Variants in NCALD observed in about 807,000 individuals in gnomAD.
NCALD encodes neurocalcin delta, also known as neurocalcin-delta.
In NCALD, 10 loss-of-function variants were observed where a neutral mutation model predicts 18.6. The ratio of observed to expected loss-of-function variants is 0.54; its 90% CI spans 0.33 to 0.91. The LOEUF is 0.91. Ranked by LOEUF, NCALD falls within the 40% of genes least tolerant of loss-of-function variation. The pLI, the probability that NCALD is intolerant of heterozygous loss-of-function variation, is 0.03. For synonymous variants in NCALD, 88 were observed against 87.4 expected, an observed-to-expected ratio of 1.01 and a Z score of -0.04; for missense variants, 184 against 247.6, an observed-to-expected ratio of 0.74 and a Z score of 1.72.
At chr8:101,831,914 C>T (rs1020830665) in intron 4 of NCALD, among the ~76,000 whole-genome samples, 2 of 152,220 alleles carry the variant, frequency 1.3e-5, no homozygotes, top group Non-Finnish European at 2.9e-5. Context: ...GCTGTTCCCA[C>T]GAAGCAGCCA....
At position 102,026,315 on chromosome 8, in the gene NCALD, C is replaced by A. The variant is rs138121527; in HGVS notation, c.-209-6026G>T. ...CTGAGACAAGGCAAGTTCCTTCCAC[C>A]TATGAGCCTGTAAAATCAAAAGCAA... On this transcript the variant is annotated intron_variant, in intron 1 of 6. Coordinates refer to the NCALD transcript ENST00000311028. 6.7e-3 allele frequency among the ~76,000 whole-genome samples: 1,021 copies of A among 152,296 alleles called. 12 individuals carry two copies. Among genetic ancestry groups the A allele is most frequent in the African/African-American group, 0.022 (933 of 41,558 alleles).
intron 4 of NCALD, among the ~76,000 whole-genome samples, chr8:101,840,963 T>G (rs1264932): frequency 2.7e-4 from 41 of 152,128 alleles, no homozygotes; most frequent in Admixed American, 2.7e-3. Flanking sequence ...ATTAAAAAGC[T>G]TTAATTTAAC....
At chr8:101,850,533 T>C (rs138868434) in intron 4 of NCALD, among the ~76,000 whole-genome samples, 306 of 152,308 alleles carry the variant, frequency 2.0e-3, no homozygotes, top group East Asian at 7.7e-3. Flanking sequence ...TGCAAATCTA[T>C]AGGCTGTTGC....
At chr8:102,059,624 A>G (rs1814207807) in intron 1 of NCALD, among the ~76,000 whole-genome samples, 1 of 152,260 alleles carries the variant, frequency 6.6e-6, no homozygotes, top group African/African-American at 2.4e-5. Context: ...ACAATACTGC[A>G]TGAATCACTG....
chr8:101,801,643 CTTTTTTTTTTTTTTTTTTTTTTTTT>C (rs71268530), intron 4 of NCALD, among the ~76,000 whole-genome samples: 1,161 of 44,206 alleles, frequency 0.026, 35 homozygotes, highest in Non-Finnish European at 0.046. Context: ...AGCACACTTA[CTTTTTTTTTTTTTTTTTTTTTTTTT>C]TTTTTTTTTT....
At chr8:101,836,006 A>G (rs980926155) in intron 4 of NCALD, among the ~76,000 whole-genome samples, 2 of 152,092 alleles carry the variant, frequency 1.3e-5, no homozygotes, top group Admixed American at 1.3e-4. Flanking sequence ...CCAGAATCAC[A>G]CAGAAGCTCT....
At chr8:101,849,080 G>A (rs1473632232) in intron 4 of NCALD, among the ~76,000 whole-genome samples, 3 of 152,116 alleles carry the variant, frequency 2.0e-5, no homozygotes, top group Non-Finnish European at 4.4e-5. Context: ...GTTGGAAGTC[G>A]TTTTCCTTAG....
chr8:101,742,663 G>GA (rs1258909010), intron 1 of NCALD, among the ~76,000 whole-genome samples: 3 of 151,368 alleles, frequency 2.0e-5, no homozygotes, highest in Non-Finnish European at 4.4e-5. Context: ...AGATTACAAG[G>GA]ATTTTTTTTT....
chr8:101,850,529 T>C (rs542436482), intron 4 of NCALD, among the ~76,000 whole-genome samples: 2 of 152,280 alleles, frequency 1.3e-5, no homozygotes, highest in African/African-American at 4.8e-5. Flanking sequence ...GATCTGCAAA[T>C]CTATAGGCTG....
At chr8:101,709,113 C>A (rs184682307) in intron 2 of NCALD, among the ~76,000 whole-genome samples, 3 of 152,218 alleles carry the variant, frequency 2.0e-5, no homozygotes, top group Non-Finnish European at 4.4e-5. Context: ...AGCGGGCCTG[C>A]GCATAGGGGC....
At chr8:101,747,532 G>A (rs1427732616) in intron 1 of NCALD, among the ~76,000 whole-genome samples, 3 of 152,120 alleles carry the variant, frequency 2.0e-5, no homozygotes, top group African/African-American at 7.2e-5. Context: ...ATAACTTTCA[G>A]TAGTGTGAGA....
chr8:101,889,186 T>G (rs1307032092), intron 3 of NCALD, among the ~76,000 whole-genome samples: 1 of 152,178 alleles, frequency 6.6e-6, no homozygotes, highest in African/African-American at 2.4e-5. Flanking sequence ...AGTCATGAAG[T>G]CACAAGCATG....
At chr8:101,806,037 G>A (rs373529584) in intron 4 of NCALD, among the ~76,000 whole-genome samples, 15 of 152,122 alleles carry the variant, frequency 9.9e-5, no homozygotes, top group African/African-American at 2.9e-4. Context: ...GGAAAGAGAC[G>A]GCCAAATATA....
chr8:101,755,596 G>T (rs1403981168), intron 1 of NCALD, among the ~76,000 whole-genome samples: 1 of 152,072 alleles, frequency 6.6e-6, no homozygotes, highest in African/African-American at 2.4e-5. Flanking sequence ...TTACCCTCCA[G>T]CAGCTTTTCC....
Position 101,992,157 on chromosome 8 carries a change from A to G in NCALD, c.-157+28080T>C, listed in dbSNP as rs77431247. Among the ~76,000 whole-genome samples, 1,206 of 152,240 alleles carry G rather than the reference A, an allele frequency of 7.9e-3. 14 individuals carry two copies. The highest frequency in any genetic ancestry group is 0.024 in the African/African-American group (1,012 of 41,538). On this transcript the variant is annotated intron_variant, in intron 2 of 6. Coordinates refer to the NCALD transcript ENST00000311028. ...TGGGCTGCTGACATATCCTTCCCTG[A>G]AGCCAGATGGATGGGTGGATAGATG...
At chr8:101,866,840 T>G (rs1815791179) in intron 4 of NCALD, among the ~76,000 whole-genome samples, 1 of 152,144 alleles carries the variant, frequency 6.6e-6, no homozygotes, top group Non-Finnish European at 1.5e-5. Flanking sequence ...TTTAGCCTCT[T>G]CAGAATGCGG....
chr8:102,011,584 TG>T (rs1372310701), intron 2 of NCALD, among the ~76,000 whole-genome samples: 1 of 152,232 alleles, frequency 6.6e-6, no homozygotes, highest in African/African-American at 2.4e-5. Context: ...AGTGCTCATT[TG>T]ACAATCTTAT....
intron 1 of NCALD, among the ~76,000 whole-genome samples, chr8:101,754,593 T>C (rs1269817714): frequency 6.6e-6 from 1 of 152,130 alleles, no homozygotes; most frequent in African/African-American, 2.4e-5. Flanking sequence ...ACATAATCAC[T>C]TCTCAAAGGT....
chr8:101,883,097 T>TGTG (rs1383167834), intron 4 of NCALD, among the ~76,000 whole-genome samples: 13 of 152,176 alleles, frequency 8.5e-5, no homozygotes, highest in African/African-American at 2.7e-4. Context: ...AGAGGCCAGA[T>TGTG]GTGGTGGCTC....
Sources: gnomAD v4.1 joint callset for allele counts (sites outside exome capture counted in the v4.1 genomes callset) on GRCh38, gnomAD v4.1.1 for gene constraint, MANE v1.5 for transcripts, NCBI Gene and HGNC (gene_info 2026-07-23, HGNC 2026-07-21) for gene names.